The following BRAF variants were observed in gnomAD, a reference collection of about 807,000 sequenced individuals.
The protein encoded by BRAF is B-Raf proto-oncogene, serine/threonine kinase.
In BRAF, 16 loss-of-function variants were observed where a neutral mutation model predicts 104.6. That is an observed-to-expected ratio of 0.15 (90% CI 0.10 to 0.23). The LOEUF is 0.23. Ranked by LOEUF, BRAF falls within the 10% of genes least tolerant of loss-of-function variation. The pLI, the probability that BRAF is intolerant of heterozygous loss-of-function variation, is 1.00. For synonymous variants in BRAF, 310 were observed against 341.6 expected, an observed-to-expected ratio of 0.91 and a Z score of 1.02; for missense variants, 541 against 937.3, an observed-to-expected ratio of 0.58 and a Z score of 5.52.
intron 14 of BRAF, among the ~76,000 whole-genome samples, chr7:140,765,389 G>A (rs1405330455): frequency 6.6e-6 from 1 of 151,956 alleles, no homozygotes; most frequent in Non-Finnish European, 1.5e-5. Context: ...ATAGGCATGG[G>A]CAAGGACTTC....
intron 2 of BRAF, among the ~76,000 whole-genome samples, chr7:140,846,187 A>C (rs1808523971): frequency 6.6e-6 from 1 of 152,214 alleles, no homozygotes; most frequent in African/African-American, 2.4e-5. Context: ...AAAGGAACTC[A>C]GATACTCGTA....
intron 17 of BRAF, among the ~76,000 whole-genome samples, chr7:140,745,873 C>T (rs1482539307): frequency 6.6e-6 from 1 of 152,176 alleles, no homozygotes; most frequent in Non-Finnish European, 1.5e-5. Context: ...TGCTTAGAAC[C>T]TAGCAACCAC....
chr7:140,917,151 C>A (rs1033199505), intron 1 of BRAF, among the ~76,000 whole-genome samples: 1 of 152,228 alleles, frequency 6.6e-6, no homozygotes, highest in African/African-American at 2.4e-5. Flanking sequence ...ACCTCCCTCT[C>A]CCGGGTTCAA....
intron 1 of BRAF, among the ~76,000 whole-genome samples, chr7:140,911,568 G>A (rs1412821593): frequency 1.3e-5 from 2 of 152,166 alleles, no homozygotes; most frequent in African/African-American, 4.8e-5. Context: ...TACAATAAAC[G>A]GTAGGTGAGG....
intron 1 of BRAF, among the ~76,000 whole-genome samples, chr7:140,869,081 G>A (rs1047381449): frequency 2.0e-5 from 3 of 152,126 alleles, no homozygotes; most frequent in African/African-American, 7.2e-5. Flanking sequence ...ACTGAGGTTG[G>A]GAGGACAAGG....
intron 1 of BRAF, among the ~76,000 whole-genome samples, chr7:140,919,627 C>T (rs1488342532): frequency 1.3e-5 from 2 of 150,864 alleles, no homozygotes; most frequent in South Asian, 2.1e-4. Context: ...AAATTGAAAT[C>T]GAAAAATAAA....
At chr7:140,884,711 A>T (rs1217597899) in intron 1 of BRAF, among the ~76,000 whole-genome samples, 1 of 151,942 alleles carries the variant, frequency 6.6e-6, no homozygotes, top group African/African-American at 2.4e-5. Context: ...GGCCTCCCAA[A>T]GTGTTGGGAT....
At chr7:140,823,942 G>A (rs1459305932) in intron 3 of BRAF, 14 of 152,040 alleles carry the variant, frequency 9.2e-5, no homozygotes, top group Admixed American at 8.5e-4. Context: ...ATATGCTCGT[G>A]GCCATCTGGA....
intron 1 of BRAF, among the ~76,000 whole-genome samples, chr7:140,865,401 G>T (rs1810852474): frequency 6.6e-6 from 1 of 152,132 alleles, no homozygotes; most frequent in Non-Finnish European, 1.5e-5. Context: ...TTTTAATTGG[G>T]AAAGTGAAGA....
chr7:140,871,185 T>C (rs1811546939), intron 1 of BRAF, among the ~76,000 whole-genome samples: 1 of 131,212 alleles, frequency 7.6e-6, no homozygotes, highest in Non-Finnish European at 1.6e-5. Flanking sequence ...GAGCTTGCAG[T>C]GAGCCGAGAT....
chr7:140,829,543 T>G (rs1806481158), intron 3 of BRAF, among the ~76,000 whole-genome samples: 1 of 152,136 alleles, frequency 6.6e-6, no homozygotes, highest in Non-Finnish European at 1.5e-5. Flanking sequence ...TAGATACCTA[T>G]TATATTCCAC....
At chr7:140,779,594 A>C (rs1800656227) in intron 12 of BRAF, among the ~76,000 whole-genome samples, 1 of 152,222 alleles carries the variant, frequency 6.6e-6, no homozygotes, top group Non-Finnish European at 1.5e-5. Flanking sequence ...GCACTCAGAA[A>C]GTTTTGGATT....
intron 8 of BRAF, 33 bp downstream of exon 8, chr7:140,794,275 T>C: frequency 6.2e-7 from 1 of 1,611,356 alleles, no homozygotes; most frequent in East Asian, 2.2e-5. Context: ...CATACTTGGT[T>C]TTTTTTTAGT....
intron 15 of BRAF, 169 bp from the exon 15 acceptor site, chr7:140,753,562 T>C: frequency 1.8e-6 from 1 of 542,838 alleles, no homozygotes; most frequent in Non-Finnish European, 3.3e-6. Flanking sequence ...TCTAAAACAA[T>C]GATTAGTTCT....
At chr7:140,752,507 C>T (rs543291712) in intron 16 of BRAF, among the ~76,000 whole-genome samples, 1 of 152,330 alleles carries the variant, frequency 6.6e-6, no homozygotes, top group African/African-American at 2.4e-5. Context: ...TTTAAGAATG[C>T]TGTTTTAGGG....
chr7:140,822,176 A>T (rs1239284406), intron 3 of BRAF, among the ~76,000 whole-genome samples: 1 of 152,196 alleles, frequency 6.6e-6, no homozygotes, highest in Non-Finnish European at 1.5e-5. Context: ...TTGAAAAAAA[A>T]ATTTTAATAA....
chr7:140,838,861 T>A (rs977919762), intron 2 of BRAF, among the ~76,000 whole-genome samples: 1 of 152,180 alleles, frequency 6.6e-6, no homozygotes, highest in Non-Finnish European at 1.5e-5. Flanking sequence ...TGACTTCCAA[T>A]GCATGAAGGG....
At chr7:140,713,578 AG>A in the BRAF span, among the ~76,000 whole-genome samples, 10 of 152,172 alleles carry the variant, frequency 6.6e-5, no homozygotes, top group South Asian at 2.1e-3. Flanking sequence ...AGCTCGGAGT[AG>A]TTTGATTGTC....
chr7:140,754,044 C>A lies in BRAF; in HGVS notation c.1861+143G>T, dbSNP rs559222978. The A allele has an allele frequency of 5.0e-5, 42 of 845,606 alleles. No homozygotes were observed. In the East Asian group the frequency reaches 8.9e-4, roughly 18 times the overall value. The allele number at this position is 845,606 out of a possible 1,614,324, so 52.4% of individuals were successfully genotyped here. A position where few individuals can be genotyped will look rare whatever the true frequency, so the allele number is the denominator to read the frequency against. ...GGCTGTGGTATCCTGCTCTCCTATA[C>A]ATGCATGCACAATCCTTTATTAATT... is the stretch of plus-strand genomic sequence containing the variant. On this transcript the variant is annotated intron_variant, in intron 15 of 19. Coordinates refer to ENST00000644969, the MANE Select transcript of BRAF (RefSeq NM_001374258.1).
Sources: gnomAD v4.1 joint callset for allele counts (sites outside exome capture counted in the v4.1 genomes callset) on GRCh38, gnomAD v4.1.1 for gene constraint, MANE v1.5 for transcripts, NCBI Gene and HGNC (gene_info 2026-07-23, HGNC 2026-07-21) for gene names.